ZAN: variants seen among roughly 807,000 people sequenced by gnomAD.
ZAN encodes zonadhesin (gene/pseudogene).
ZAN carries 260 observed loss-of-function variants against 286.2 expected under a neutral mutation model. That is an observed-to-expected ratio of 0.91 (90% CI 0.82 to 1.01). ZAN has a LOEUF of 1.01. Ranked by LOEUF, ZAN falls within the 50% of genes least tolerant of loss-of-function variation. The pLI, the probability that ZAN is intolerant of heterozygous loss-of-function variation, is 0.00. For synonymous variants in ZAN, 1,368 were observed against 1,417.5 expected (o/e 0.97, Z 0.79); for missense variants, 3,410 against 3,639.2 (o/e 0.94, Z 1.62).
Position 100,773,853 on chromosome 7 carries a change from TG to T in ZAN, c.5768del (p.Cys1923PhefsTer18), listed in dbSNP as rs1414743526. 261,963 of 1,541,472 alleles carry T rather than the reference TG, an allele frequency of 0.17. 30,204 individuals carry two copies. The highest frequency in any genetic ancestry group is 0.64 in the African/African-American group (44,940 of 69,848). The part of the protein sequence containing the change: ...ICWALDGLLH[C>X]RASGVGVCQL... ...CTGGGCCCTGGATGGGCTGCTCCAT[TG>T]TCGGGCCTCAGGTAGGAGGACCACG... On this transcript the variant is annotated frameshift_variant, in exon 31 of 48. Transcript: ENST00000613979. LOFTEE classifies it high-confidence loss of function.
intron 15 of ZAN, among the ~76,000 whole-genome samples, chr7:100,757,754 C>CAAA (rs1166217824): frequency 7.0e-5 from 4 of 57,494 alleles, no homozygotes; most frequent in Non-Finnish European, 7.4e-5. Flanking sequence ...GACTCCGTCT[C>CAAA]AAAAAAAAAA....
chr7:100,794,568 T>G (rs1812225792), intron 44 of ZAN, among the ~76,000 whole-genome samples: 1 of 152,132 alleles, frequency 6.6e-6, no homozygotes, highest in African/African-American at 2.4e-5. Flanking sequence ...CGTGGGTGAC[T>G]CATGCCTGTA....
In ZAN at chr7:100,738,543, G is replaced by A; in HGVS notation, c.696G>A (p.Lys232=). 1 of 1,511,860 alleles carries A rather than the reference G, an allele frequency of 6.6e-7. No individual in the cohort carries two copies. The highest frequency in any genetic ancestry group is 9.1e-7 in the Non-Finnish European group (1 of 1,101,730). The allele number at this position is 1,511,860 out of a possible 1,614,324, so 93.7% of individuals were successfully genotyped here. ...GGATCCCAACTGCCTCCGGGGCCAA[G>A]TGGACTCAGAAGAAAGGGTCATCAG... The part of the protein sequence containing the change: ...WTWIPTASGA[K]WTQKKGSSGK... The change falls in exon 7 of 48, where the codon AAG becomes AAA. Residue 232 remains lysine (K), a synonymous_variant. Coordinates refer to ENST00000613979, the MANE Select transcript of ZAN (RefSeq NM_003386.3).
intron 6 of ZAN, among the ~76,000 whole-genome samples, chr7:100,737,715 AAAAG>A (rs1300537729): frequency 1.4e-5 from 2 of 138,768 alleles, no homozygotes; most frequent in African/African-American, 5.3e-5. Flanking sequence ...CAAAAAAAAA[AAAAG>A]AAGAATGAGA....
intron 23 of ZAN, 150 bp from the exon 24 acceptor site, chr7:100,766,375 C>T (rs117864261): frequency 0.012 from 11,926 of 1,027,342 alleles, 94 homozygotes; most frequent in Non-Finnish European, 0.015. Flanking sequence ...GCTTTTGCAG[C>T]GAATCTCGGA....
intron 36 of ZAN, 66 bp from the exon 37 acceptor site, chr7:100,785,931 T>C (rs1811532992): frequency 1.3e-6 from 2 of 1,539,274 alleles, no homozygotes; most frequent in Admixed American, 2.0e-5. Flanking sequence ...AGTGTTGGGA[T>C]TACAGGCGTG....
chr7:100,765,994 GT>G (rs1353133714), intron 23 of ZAN, among the ~76,000 whole-genome samples: 12 of 141,186 alleles, frequency 8.5e-5, no homozygotes, highest in Non-Finnish European at 1.4e-4. Flanking sequence ...TTTGGTTTTT[GT>G]TTTTTTTTTG....
At chr7:100,755,158 G>C (rs1262651314) in intron 14 of ZAN, 68 bp from the exon 15 acceptor site, 1 of 1,516,038 alleles carries the variant, frequency 6.6e-7, no homozygotes, top group Non-Finnish European at 8.9e-7. Context: ...TGGGGGTAGA[G>C]GAGAGACAGG....
chr7:100,752,816 A>G lies in ZAN; in HGVS notation c.2711A>G (p.Glu904Gly). ...ISTEKLTIPT[E>G]KPTISPEKPT... Reference sequence around the variant, plus strand: ...ACAGAAAAACTCACCATCCCCACAGAAAAACCCACCATCTCCCCAGAAAAA... The same window carrying G: ...ACAGAAAAACTCACCATCCCCACAGGAAAACCCACCATCTCCCCAGAAAAA... The change falls in exon 14 of 48, where the codon GAA becomes GGA. Residue 904 changes from glutamate to glycine, a missense_variant. Transcript: ENST00000613979. The G allele has an allele frequency of 3.8e-6, 6 of 1,593,988 alleles. No homozygotes were observed. The highest frequency in any genetic ancestry group is 5.1e-6 in the Non-Finnish European group (6 of 1,168,870).
chr7:100,757,712 G>A (rs1309340694), intron 15 of ZAN, among the ~76,000 whole-genome samples: 10 of 145,204 alleles, frequency 6.9e-5, no homozygotes, highest in Non-Finnish European at 1.3e-4. Context: ...CCAAGATCAC[G>A]CCACTTCACT....
At chr7:100,770,659 T>C (rs1810312598) in intron 28 of ZAN, among the ~76,000 whole-genome samples, 1 of 151,584 alleles carries the variant, frequency 6.6e-6, no homozygotes, top group Non-Finnish European at 1.5e-5. Context: ...TTTTTTCTTT[T>C]TTCTTGTTTT....
chr7:100,753,021 C>G lies in ZAN; in HGVS notation c.2916C>G (p.Pro972=). ...PTISTEKPTI[P]TEKLTIPTEK... The stretch of plus-strand genomic sequence containing the variant: ...TCTCCACGGAAAAACCCACCATCCC[C>G]ACGGAAAAACTTACCATCCCCACGG... Residue 972 remains proline (P), a synonymous_variant, in exon 14 of 48, where the codon CCC becomes CCG. Coordinates refer to ENST00000613979, the MANE Select transcript of ZAN (RefSeq NM_003386.3). The G allele has an allele frequency of 6.2e-7, 1 of 1,609,240 alleles. No individual in the cohort carries two copies. The highest frequency in any genetic ancestry group is 8.5e-7 in the Non-Finnish European group (1 of 1,177,374).
chr7:100,797,642 G>C lies in ZAN; in HGVS notation c.8413+19G>C. 6.2e-7 allele frequency: 1 copy of C among 1,613,996 alleles called. No homozygotes were observed. Among genetic ancestry groups the C allele is most frequent in the African/African-American group, 1.3e-5 (1 of 75,054 alleles). On this transcript the variant is annotated intron_variant, in intron 47 of 47. Coordinates refer to ENST00000613979, the MANE Select transcript of ZAN (RefSeq NM_003386.3). ...GACACAGGTGAGAACCAACCCCACA[G>C]CCCGGAACCTCGGGGCCTAGAGTTG...
intron 23 of ZAN, 110 bp from the exon 24 acceptor site, chr7:100,766,406 CTCCCCACTA>C: frequency 8.0e-7 from 1 of 1,255,504 alleles, no homozygotes; most frequent in Non-Finnish European, 1.1e-6. Flanking sequence ...GAGAGGATGT[CTCCCCACTA>C]TTAAGCCAGT....
At chr7:100,792,844 G>A (rs2116338802) in intron 42 of ZAN, among the ~76,000 whole-genome samples, 1 of 151,848 alleles carries the variant, frequency 6.6e-6, no homozygotes, top group South Asian at 2.1e-4. Context: ...GGGCGTGGTG[G>A]TTCACACCTG....
At chr7:100,793,762 T>C (rs1218899126) in intron 42 of ZAN, 58 bp from the exon 43 acceptor site, 5 of 1,522,250 alleles carry the variant, frequency 3.3e-6, no homozygotes, top group East Asian at 4.5e-5. Context: ...TCGGGTGACC[T>C]TGCCCCTGTT....
intron 35 of ZAN, among the ~76,000 whole-genome samples, chr7:100,782,767 TTTTG>T (rs925483716): frequency 3.9e-5 from 6 of 152,002 alleles, no homozygotes; most frequent in African/African-American, 1.5e-4. Flanking sequence ...TCAACTTTGT[TTTTG>T]TTTTTCTCCA....
chr7:100,766,500 C>A (rs374057822), intron 23 of ZAN, 25 bp from the exon 24 acceptor site: 1 of 1,540,416 alleles, frequency 6.5e-7, no homozygotes, highest in Admixed American at 2.0e-5. Flanking sequence ...AACACTTTCT[C>A]TTCCTTCCCT....
intron 10 of ZAN, 31 bp from the exon 11 acceptor site, chr7:100,748,293 C>G (rs1213715613): frequency 6.2e-7 from 1 of 1,613,910 alleles, no homozygotes; most frequent in Non-Finnish European, 8.5e-7. Flanking sequence ...CGTCACTCAA[C>G]TTGCTCAAAT....
Sources: gnomAD v4.1 joint callset for allele counts (sites outside exome capture counted in the v4.1 genomes callset) on GRCh38, gnomAD v4.1.1 for gene constraint, MANE v1.5 for transcripts, NCBI Gene and HGNC (gene_info 2026-07-23, HGNC 2026-07-21) for gene names.